The following VCAN variants were observed in gnomAD, a reference collection of about 807,000 sequenced individuals.
VCAN encodes versican, also known as versican core protein.
VCAN carries 44 observed loss-of-function variants against 245.5 expected under a neutral mutation model. The observed-to-expected ratio is 0.18, with a 90% CI of 0.14 to 0.23. The LOEUF (loss-of-function observed/expected upper bound fraction) is 0.23. Among genes scored for constraint, VCAN ranks in the 10% least tolerant of loss-of-function variants. The pLI, the probability that VCAN is intolerant of heterozygous loss-of-function variation, is 1.00. For missense variants in VCAN, 3,793 were observed against 4,057.9 expected (o/e 0.93, Z 1.77); for synonymous variants, 1,413 against 1,437.0 (o/e 0.98, Z 0.38).
chr5:83,478,785 A>G (rs1376982479), intron 1 of VCAN, among the ~76,000 whole-genome samples: 1 of 152,248 alleles, frequency 6.6e-6, no homozygotes, highest in Non-Finnish European at 1.5e-5. Flanking sequence ...TGTTCTAGGC[A>G]TTGTGGATAC....
At chr5:83,490,757 T>C (rs1053636451) in intron 3 of VCAN, among the ~76,000 whole-genome samples, 1 of 152,200 alleles carries the variant, frequency 6.6e-6, no homozygotes, top group Non-Finnish European at 1.5e-5. Flanking sequence ...AATCATTACT[T>C]CAGTGTTGAG....
chr5:83,537,303 T>G lies in VCAN; in HGVS notation c.4300T>G (p.Phe1434Val). Residue 1434 changes from phenylalanine to valine, a missense_variant, in exon 8 of 15, where the codon TTT (phenylalanine) becomes GTT (valine). Transcript: ENST00000265077. The part of the protein sequence containing the change: ...PEAAEARRGQ[F>V]ESVAPSQNFS... ...AGCTGCAGAAGCTAGGCGTGGCCAG[T>G]TTGAAAGTGTTGCACCTTCTCAGAA... 4 of 1,613,962 alleles carry G rather than the reference T, an allele frequency of 2.5e-6. No individual in the cohort carries two copies. The highest frequency in any genetic ancestry group is 3.4e-6 in the Non-Finnish European group (4 of 1,179,962).
intron 1 of VCAN, among the ~76,000 whole-genome samples, chr5:83,482,909 A>C (rs1203740765): frequency 6.6e-6 from 1 of 152,152 alleles, no homozygotes; most frequent in Non-Finnish European, 1.5e-5. Context: ...CTTATAATAC[A>C]TTTGTTTTGT....
At chr5:83,481,502 G>T (rs1473469746) in intron 1 of VCAN, among the ~76,000 whole-genome samples, 1 of 151,924 alleles carries the variant, frequency 6.6e-6, no homozygotes, top group African/African-American at 2.4e-5. Flanking sequence ...CTTCCTGCTT[G>T]CTGTGCTGTC....
chr5:83,540,809 A>G lies in VCAN; in HGVS notation c.7806A>G (p.Pro2602=), dbSNP rs1194123868. 1 of 1,614,040 alleles carries G rather than the reference A, an allele frequency of 6.2e-7. No individual in the cohort carries two copies. Among genetic ancestry groups the G allele is most frequent in the Non-Finnish European group, 8.5e-7 (1 of 1,179,980 alleles). Residue 2602 remains proline, a synonymous_variant, in exon 8 of 15, where the codon CCA becomes CCG. Coordinates refer to ENST00000265077, the MANE Select transcript of VCAN (RefSeq NM_004385.5). ...GMQTDIDTEV[P]SEPHDSNDES... ...AAACAGATATAGATACAGAGGTACC[A>G]TCAGAACCACATGACAGTAATGATG...
At chr5:83,487,029 C>A (rs560318952) in intron 2 of VCAN, among the ~76,000 whole-genome samples, 8 of 152,206 alleles carry the variant, frequency 5.3e-5, no homozygotes, top group East Asian at 1.9e-4. Context: ...TATTTTAACC[C>A]AAGAAGAACT....
intron 9 of VCAN, among the ~76,000 whole-genome samples, chr5:83,546,503 C>T (rs189735273): frequency 5.3e-5 from 8 of 151,854 alleles, no homozygotes; most frequent in Non-Finnish European, 1.0e-4. Flanking sequence ...AGCCTATAAC[C>T]CCAGCACTTT....
chr5:83,507,041 T>G (rs558706356), intron 5 of VCAN, among the ~76,000 whole-genome samples: 1 of 152,232 alleles, frequency 6.6e-6, no homozygotes, highest in South Asian at 2.1e-4. Flanking sequence ...GAGATTTGGG[T>G]GGGGACACAG....
intron 3 of VCAN, among the ~76,000 whole-genome samples, chr5:83,490,945 T>G (rs746600509): frequency 8.5e-5 from 13 of 152,202 alleles, no homozygotes; most frequent in African/African-American, 1.2e-4. Context: ...AGTTTGCTTT[T>G]AGGAAATTCT....
In VCAN at chr5:83,540,272, C is replaced by G; in HGVS notation, c.7269C>G (p.Asp2423Glu). 6.2e-7 allele frequency: 1 copy of G among 1,614,076 alleles called. No individual in the cohort carries two copies. Among genetic ancestry groups the G allele is most frequent in the South Asian group, 1.1e-5 (1 of 91,086 alleles). Residue 2423 changes from aspartate to glutamate, a missense_variant, in exon 8 of 15, where the codon GAC (aspartate) becomes GAG (glutamate). Transcript: ENST00000265077. Reference protein sequence around the residue: ...EFVTSAPKPSDLYYEPSGEGS... With the variant: ...EFVTSAPKPSELYYEPSGEGS... The stretch of plus-strand genomic sequence containing the variant: ...TTACATCAGCACCAAAACCATCTGA[C>G]TTGTATTATGAACCTTCTGGAGAAG...
intron 1 of VCAN, among the ~76,000 whole-genome samples, chr5:83,472,866 A>T (rs918044964): frequency 6.6e-6 from 1 of 152,040 alleles, no homozygotes; most frequent in Non-Finnish European, 1.5e-5. Flanking sequence ...ATGTGCAACA[A>T]TTTTTCTCAC....
At chr5:83,486,608 C>T (rs773032984) in intron 2 of VCAN, among the ~76,000 whole-genome samples, 3 of 152,220 alleles carry the variant, frequency 2.0e-5, no homozygotes, top group East Asian at 3.9e-4. Flanking sequence ...AAGTAGTAGG[C>T]GACCATCCTT....
At chr5:83,478,833 C>G (rs1744491426) in intron 1 of VCAN, among the ~76,000 whole-genome samples, 2 of 152,152 alleles carry the variant, frequency 1.3e-5, no homozygotes, top group South Asian at 2.1e-4. Flanking sequence ...TCTGTTGGAA[C>G]TTTTACTATG....
chr5:83,530,814 C>T (rs13184707), intron 7 of VCAN, among the ~76,000 whole-genome samples: 78,698 of 151,578 alleles, frequency 0.52, 20,896 homozygotes, highest in Non-Finnish European at 0.59. Flanking sequence ...AGTATTTGAA[C>T]TTTTTTTACA....
In VCAN at chr5:83,520,629, G is replaced by A; in HGVS notation, c.2323G>A (p.Gly775Ser). The A allele has an allele frequency of 6.2e-7, 1 of 1,613,954 alleles. No individual in the cohort carries two copies. Among genetic ancestry groups the A allele is most frequent in the Non-Finnish European group, 8.5e-7 (1 of 1,179,988 alleles). The change falls in exon 7 of 15, where the codon GGT (glycine) becomes AGT (serine). Residue 775 changes from glycine (G) to serine (S), a missense_variant. Gly to Ser is a moderately conservative substitution (Grantham distance 56, BLOSUM62 0). Around this residue, in one of 5 missense-constraint regions of VCAN, gnomAD observed 3,182 missense variants for 3,250.3 expected, o/e 0.98. Transcript: ENST00000265077. ...GGAGGAAGACTTTACAGCAACTCCA[G>A]GTACTACAAAATATGATGAAAATAT... ...DMEEDFTATP[G>S]TTKYDENITT...
rs1312366321 is a variant in VCAN, at chr5:83,520,719, T to C, written c.2413T>C (p.Trp805Arg). The change falls in exon 7 of 15, where the codon TGG becomes CGG. Residue 805 changes from tryptophan (W) to arginine (R), a missense_variant. Physicochemically the swap from Trp to Arg is moderately radical, Grantham distance 101 (BLOSUM62 -3). Around this residue, in one of 5 missense-constraint regions of VCAN, gnomAD observed 3,182 missense variants for 3,250.3 expected, o/e 0.98. Coordinates refer to ENST00000265077, the MANE Select transcript of VCAN (RefSeq NM_004385.5). ...VEAATVSKWS[W>R]DEDNTTSKPL... is the part of the protein sequence containing the mutation. The stretch of plus-strand genomic sequence containing the variant: ...AGCAGCCACTGTATCAAAATGGTCA[T>C]GGGATGAAGATAATACAACATCCAA... 1.2e-6 allele frequency: 2 copies of C among 1,614,178 alleles called. No homozygotes were observed. Among genetic ancestry groups the C allele is most frequent in the Non-Finnish European group, 1.7e-6 (2 of 1,180,010 alleles).
rs1561228460 is a variant in VCAN at position 83,490,326 on chromosome 5, G to C, written c.299G>C (p.Arg100Thr). The C allele has an allele frequency of 3.1e-6, 5 of 1,614,182 alleles. No homozygotes were observed. The highest frequency in any genetic ancestry group is 3.4e-6 in the Non-Finnish European group (4 of 1,180,042). ...AAGATTGGTCAGGACTACAAAGGGAGAGTGTCTGTGCCCACACATCCCGAG... is the reference window on the plus strand; with the variant it reads ...AAGATTGGTCAGGACTACAAAGGGACAGTGTCTGTGCCCACACATCCCGAG... ...NIKIGQDYKG[R>T]VSVPTHPEAV... The change falls in exon 3 of 15, where the codon AGA becomes ACA. Residue 100 changes from arginine to threonine, a missense_variant. Coordinates refer to ENST00000265077, the MANE Select transcript of VCAN (RefSeq NM_004385.5).
chr5:83,580,317 C>T lies in VCAN; in HGVS notation c.10074C>T (p.Tyr3358=), dbSNP rs1462725563. The change falls in exon 15 of 15, where the codon TAC becomes TAT. Residue 3358 remains tyrosine, a synonymous_variant. Coordinates refer to ENST00000265077, the MANE Select transcript of VCAN (RefSeq NM_004385.5). The part of the protein sequence containing the change: ...PKITCMNPSA[Y]QRTYSMKYFK... Reference sequence around the variant, plus strand: ...TTTCCTTCCATGTAGCATCTGCATACCAAAGGACTTATTCTATGAAATACT... The same window carrying T: ...TTTCCTTCCATGTAGCATCTGCATATCAAAGGACTTATTCTATGAAATACT... 1 of 1,613,838 alleles carries T rather than the reference C, an allele frequency of 6.2e-7. No individual in the cohort carries two copies. Among genetic ancestry groups the T allele is most frequent in the Non-Finnish European group, 8.5e-7 (1 of 1,179,964 alleles).
intron 7 of VCAN, among the ~76,000 whole-genome samples, chr5:83,535,245 A>G (rs1746661305): frequency 6.6e-6 from 1 of 152,106 alleles, no homozygotes; most frequent in African/African-American, 2.4e-5. Flanking sequence ...CTGAATATAC[A>G]GAATGGAATG....
Sources: allele counts gnomAD v4.1 joint callset (sites outside exome capture counted in the v4.1 genomes callset), GRCh38; gene constraint gnomAD v4.1.1; regional missense constraint gnomAD v4.1.1; transcripts MANE v1.5; gene names NCBI Gene and HGNC (gene_info 2026-07-23, HGNC 2026-07-21).